Variants in SLC5A1 observed in about 807,000 individuals in gnomAD.
SLC5A1 encodes solute carrier family 5 member 1, also known as sodium/glucose cotransporter 1.
Under a neutral mutation model 73.5 loss-of-function variants are expected in SLC5A1, and 42 were observed. The observed-to-expected ratio is 0.57, with a 90% CI of 0.45 to 0.74. The LOEUF (loss-of-function observed/expected upper bound fraction) is 0.74, where lower values mean the gene tolerates loss of function less well. SLC5A1 is among the 30% of genes least tolerant of loss of function. The pLI is 0.00. For synonymous variants in SLC5A1, 300 were observed against 317.4 expected, an observed-to-expected ratio of 0.95 and a Z score of 0.58; for missense variants, 634 against 855.4, an observed-to-expected ratio of 0.74 and a Z score of 3.23.
intron 2 of SLC5A1, among the ~76,000 whole-genome samples, chr22:32,060,317 G>A (rs1460313570): frequency 1.3e-5 from 2 of 151,660 alleles, no homozygotes; most frequent in Non-Finnish European, 2.9e-5. Context: ...TCAGCCTCCC[G>A]AGTAGCTGGA....
chr22:32,105,736 C>A (rs1428185136), intron 14 of SLC5A1, among the ~76,000 whole-genome samples: 1 of 152,198 alleles, frequency 6.6e-6, no homozygotes, highest in African/African-American at 2.4e-5. Context: ...CAGACCCCCA[C>A]TACCCTTCCC....
intron 2 of SLC5A1, among the ~76,000 whole-genome samples, chr22:32,062,385 A>T (rs1032836356): frequency 6.6e-6 from 1 of 152,248 alleles, no homozygotes; most frequent in African/African-American, 2.4e-5. Context: ...TCAAAAGAAT[A>T]AATAGCCTTT....
In SLC5A1 at chr22:32,084,544, C is replaced by T. The variant is rs777779839; in HGVS notation, c.770C>T (p.Thr257Ile). Reference protein sequence around the residue: ...GNTTFQEKCYTPRADSFHIFR... With the variant: ...GNTTFQEKCYIPRADSFHIFR... ...ACCACCTTTCAGGAAAAATGCTACA[C>T]TCCAAGGGCCGACTCCTTCCACATC... The change falls in exon 8 of 15, where the codon ACT becomes ATT. Residue 257 changes from threonine (T) to isoleucine (I), a missense_variant. Physicochemically the swap from Thr to Ile is moderately conservative, Grantham distance 89 (BLOSUM62 -1). Transcript: ENST00000266088. 10 of 1,614,152 alleles carry T rather than the reference C, an allele frequency of 6.2e-6. No individual in the cohort carries two copies. Among genetic ancestry groups the T allele is most frequent in the African/African-American group, 1.3e-5 (1 of 74,952 alleles).
chr22:32,053,588 G>C (rs2093947869), intron 2 of SLC5A1, among the ~76,000 whole-genome samples: 1 of 152,070 alleles, frequency 6.6e-6, no homozygotes, highest in African/African-American at 2.4e-5. Context: ...CTGCCATCTA[G>C]TTAGTACCTA....
At chr22:32,060,076 T>TTTTTTTAAG (rs2093958755) in intron 2 of SLC5A1, among the ~76,000 whole-genome samples, 1 of 144,120 alleles carries the variant, frequency 6.9e-6, no homozygotes. Context: ...CATATATATA[T>TTTTTTTAAG]ACACACATGT....
chr22:32,063,786 C>A (rs919925500), intron 2 of SLC5A1, among the ~76,000 whole-genome samples: 5 of 152,066 alleles, frequency 3.3e-5, no homozygotes, highest in Admixed American at 6.5e-5. Context: ...GCTAGGTGGC[C>A]ATAATATTGT....
At position 32,043,899 on chromosome 22, in the gene SLC5A1, G is replaced by A. The variant is rs368615098; in HGVS notation, c.135+483G>A. The stretch of plus-strand genomic sequence containing the variant: ...ATGCTGAGGTGGCAGACAGAGGGAT[G>A]CTGACCCATGCCCCACTCCTGGGAG... On this transcript the variant is annotated intron_variant, in intron 1 of 14. Coordinates refer to ENST00000266088, the MANE Select transcript of SLC5A1 (RefSeq NM_000343.4). The surrounding 1 kb of genome is among the most constrained non-coding windows in gnomAD (Gnocchi z 6.5). Among the ~76,000 whole-genome samples the A allele has an allele frequency of 1.1e-4, 17 of 152,326 alleles. No homozygotes were observed. The East Asian group carries it at 2.9e-3, about 26-fold the overall frequency.
intron 10 of SLC5A1, among the ~76,000 whole-genome samples, chr22:32,091,298 AACACACACACACACACACAC>A (rs67059150): frequency 0.048 from 6,744 of 139,052 alleles, 201 homozygotes; most frequent in Non-Finnish European, 0.075. Context: ...CACATACACA[AACACACACACACACACACAC>A]ACACACACAC....
intron 5 of SLC5A1, among the ~76,000 whole-genome samples, chr22:32,075,870 C>G (rs549074285): frequency 3.3e-5 from 5 of 152,198 alleles, no homozygotes; most frequent in Non-Finnish European, 1.5e-5. Flanking sequence ...AGAATTACAC[C>G]GATATCAACT....
At position 32,104,667 on chromosome 22, in the gene SLC5A1, C is replaced by A; in HGVS notation, c.1666-119C>A. 3 of 739,712 alleles carry A rather than the reference C, an allele frequency of 4.1e-6. 1 individual carries two copies. The highest frequency in any genetic ancestry group is 2.9e-5 in the South Asian group (2 of 67,890). The allele number at this position is 739,712 out of a possible 1,614,324, so 45.8% of individuals were successfully genotyped here. A position where few individuals can be genotyped will look rare whatever the true frequency, so the allele number is the denominator to read the frequency against. On this transcript the variant is annotated intron_variant, in intron 13 of 14. Transcript: ENST00000266088. ...ATGAGAATCGTTGTGTATGTTCTTC[C>A]TGGTACTGAGATGCCACATTCCCTT... is the stretch of plus-strand genomic sequence containing the variant.
At chr22:32,095,608 CT>C (rs2094025016) in intron 11 of SLC5A1, among the ~76,000 whole-genome samples, 1 of 152,092 alleles carries the variant, frequency 6.6e-6, no homozygotes, top group South Asian at 2.1e-4. Flanking sequence ...TCCTCTTTGT[CT>C]TTTTTAACTG....
intron 5 of SLC5A1, among the ~76,000 whole-genome samples, chr22:32,076,804 G>A (rs1432474363): frequency 6.6e-6 from 1 of 152,212 alleles, no homozygotes; most frequent in Non-Finnish European, 1.5e-5. Flanking sequence ...ACATGCCCAA[G>A]CTCCCAATCA....
chr22:32,100,102 A>T (rs1180828661), intron 12 of SLC5A1, among the ~76,000 whole-genome samples: 3 of 152,196 alleles, frequency 2.0e-5, no homozygotes, highest in African/African-American at 7.2e-5. Flanking sequence ...CAGACCTTTC[A>T]GGCAGAAGTA....
chr22:32,102,069 T>C lies in SLC5A1; in HGVS notation c.1497T>C (p.Arg499=), dbSNP rs1286872886. 6.2e-7 allele frequency: 1 copy of C among 1,614,006 alleles called. No homozygotes were observed. Among genetic ancestry groups the C allele is most frequent in the Non-Finnish European group, 8.5e-7 (1 of 1,180,028 alleles). Reference sequence around the variant, plus strand: ...TAGGACTTCTGATTGGGATTTCACGTATGATTACTGAGTTTGCTTATGGAA... The same window carrying C: ...TAGGACTTCTGATTGGGATTTCACGCATGATTACTGAGTTTGCTTATGGAA... ...LILGLLIGIS[R]MITEFAYGTG... is the part of the protein sequence containing the mutation. The change falls in exon 13 of 15, where the codon CGT becomes CGC. Residue 499 remains arginine, a synonymous_variant. Coordinates refer to ENST00000266088, the MANE Select transcript of SLC5A1 (RefSeq NM_000343.4).
In SLC5A1 at chr22:32,111,968, T is replaced by G. The variant is rs886057413; in HGVS notation, c.*1755T>G. 1 of 152,136 alleles carries G rather than the reference T, an allele frequency of 6.6e-6. No homozygotes were observed. Among genetic ancestry groups the G allele is most frequent in the East Asian group, 1.9e-4 (1 of 5,200 alleles). The allele number at this position is 152,136 out of a possible 1,614,324, so 9.4% of individuals were successfully genotyped here. A position where few individuals can be genotyped will look rare whatever the true frequency, so the allele number is the denominator to read the frequency against. ...AAGCTGCTTTGACCGTGAAAATATT[T>G]GACTCCTATCAGTTTTTGGTCAGGA... is the stretch of plus-strand genomic sequence containing the variant. On this transcript the variant is annotated 3_prime_UTR_variant, in exon 15 of 15. Transcript: ENST00000266088.
At chr22:32,108,936 G>A (rs1316331413) in intron 14 of SLC5A1, among the ~76,000 whole-genome samples, 1 of 152,090 alleles carries the variant, frequency 6.6e-6, no homozygotes, top group East Asian at 1.9e-4. Flanking sequence ...AACATTTTGG[G>A]AGGCCAAGGT....
intron 5 of SLC5A1, among the ~76,000 whole-genome samples, chr22:32,079,656 T>C (rs1027441659): frequency 6.6e-6 from 1 of 152,204 alleles, no homozygotes; most frequent in African/African-American, 2.4e-5. Flanking sequence ...TTTTCCTATC[T>C]TATTTACACT....
intron 13 of SLC5A1, 66 bp from the exon 14 acceptor site, chr22:32,104,720 C>A: frequency 7.9e-7 from 1 of 1,263,422 alleles, no homozygotes; most frequent in Admixed American, 1.8e-5. Context: ...TCTCTTTGCC[C>A]CCCCAACTTC....
At chr22:32,058,225 A>G (rs895371074) in intron 2 of SLC5A1, among the ~76,000 whole-genome samples, 2 of 152,148 alleles carry the variant, frequency 1.3e-5, no homozygotes, top group Non-Finnish European at 2.9e-5. Flanking sequence ...ATGGCTGCAC[A>G]CTATTCCATC....
Sources: allele counts gnomAD v4.1 joint callset (sites outside exome capture counted in the v4.1 genomes callset), GRCh38; gene constraint gnomAD v4.1.1; non-coding constraint Gnocchi (gnomAD v3.1); transcripts MANE v1.5; gene names NCBI Gene and HGNC (gene_info 2026-07-23, HGNC 2026-07-21).